Variants in CARD10 observed in about 807,000 individuals in gnomAD.
CARD10 encodes the protein caspase recruitment domain-containing protein 10.
A neutral mutation model predicts 114.6 loss-of-function variants in CARD10; 49 were observed. The observed-to-expected ratio is 0.43, with a 90% CI of 0.34 to 0.54. The LOEUF (loss-of-function observed/expected upper bound fraction) is 0.54, where lower values mean the gene tolerates loss of function less well. CARD10 is among the 20% of genes least tolerant of loss of function. CARD10 has a pLI of 0.03. For missense variants in CARD10, 1,206 were observed against 1,397.2 expected, an observed-to-expected ratio of 0.86 and a Z score of 2.18; for synonymous variants, 602 against 593.2, an observed-to-expected ratio of 1.01 and a Z score of -0.21.
At chr22:37,514,306 T>G (rs1923762294) in intron 3 of CARD10, among the ~76,000 whole-genome samples, 1 of 151,996 alleles carries the variant, frequency 6.6e-6, no homozygotes, top group Non-Finnish European at 1.5e-5. Context: ...GTTTTATAAT[T>G]GTTACATCAT....
chr22:37,510,684 G>A, intron 3 of CARD10: 1 of 481,910 alleles, frequency 2.1e-6, no homozygotes, highest in Non-Finnish European at 3.7e-6. Context: ...GGGCGGACAT[G>A]CTGCATCACG....
chr22:37,508,316 C>A (rs1923485662), intron 5 of CARD10, among the ~76,000 whole-genome samples: 1 of 152,236 alleles, frequency 6.6e-6, no homozygotes, highest in African/African-American at 2.4e-5. Context: ...GTCTCCCCTG[C>A]TGGAGTTCCC....
chr22:37,515,761 C>T (rs76616685), intron 3 of CARD10, among the ~76,000 whole-genome samples: 2,317 of 152,258 alleles, frequency 0.015, 49 homozygotes, highest in African/African-American at 0.047. Context: ...AGAAATATTT[C>T]CTAGACATGG....
At chr22:37,503,278 C>A (rs2145762375) in intron 9 of CARD10, 65 bp from the exon 10 acceptor site, 1 of 1,461,400 alleles carries the variant, frequency 6.8e-7, no homozygotes. Flanking sequence ...GCCCCGCTCC[C>A]TCCTCCTGCC....
rs55875977 is a variant in CARD10, at chr22:37,491,799, G to A, written c.2820C>T (p.Ile940=). The change falls in exon 19 of 20, where the codon ATC becomes ATT. Residue 940 remains isoleucine, a synonymous_variant. Transcript: ENST00000251973. ...TCTCAGTCACCTCCACGTGGATGAC[G>A]ATGGGGTAGATCTCGTTCTGCACCA... ...RELVQNEIYP[I]VIHVEVTEKN... 9.2e-3 allele frequency: 13,508 copies of A among 1,465,622 alleles called. 98 individuals carry two copies. The highest frequency in any genetic ancestry group is 9.5e-3 in the Middle Eastern group (50 of 5,272). 90.8% of individuals were successfully genotyped at this position (1,465,622 alleles called of 1,614,324 possible). A position where few individuals can be genotyped will look rare whatever the true frequency, so the allele number is the denominator to read the frequency against.
intron 19 of CARD10, 97 bp downstream of exon 19, chr22:37,491,658 G>C: frequency 2.3e-6 from 1 of 435,210 alleles, no homozygotes; most frequent in African/African-American, 3.9e-5. Context: ...GGGAGAAAGA[G>C]GGGGAGGGAG....
At chr22:37,512,353 T>G (rs1173635783) in intron 3 of CARD10, 2 of 152,034 alleles carry the variant, frequency 1.3e-5, no homozygotes, top group Non-Finnish European at 2.9e-5. Flanking sequence ...CAATGACTTC[T>G]GGTGCTACAG....
At chr22:37,512,465 C>CCACACACACACACACACACA (rs36080549) in intron 3 of CARD10, among the ~76,000 whole-genome samples, 1 of 113,774 alleles carries the variant, frequency 8.8e-6, no homozygotes, top group African/African-American at 3.1e-5. Flanking sequence ...AGCCCCCCCT[C>CCACACACACACACACACACA]CACACACACA....
intron 11 of CARD10, among the ~76,000 whole-genome samples, chr22:37,499,513 C>G (rs1190505119): frequency 6.6e-6 from 1 of 151,974 alleles, no homozygotes; most frequent in Non-Finnish European, 1.5e-5. Context: ...CCACCCCACC[C>G]ACCTCTACTC....
chr22:37,510,245 C>T lies in CARD10; in HGVS notation c.876G>A (p.Ala292=), dbSNP rs143178552. Residue 292 remains alanine, a synonymous_variant, in exon 4 of 20, where the codon GCG becomes GCA. Transcript: ENST00000251973. ...GGCCCTCCTGCAACTCCCGCAGTGACGCCGTCAGCCGCTGGTTCTCAGCAC... is the reference window on the plus strand; with the variant it reads ...GGCCCTCCTGCAACTCCCGCAGTGATGCCGTCAGCCGCTGGTTCTCAGCAC... The part of the protein sequence containing the change: ...ELRAENQRLT[A]SLRELQEGLQ... 90 of 1,601,996 alleles carry T rather than the reference C, an allele frequency of 5.6e-5. 1 individual carries two copies. The Middle Eastern group carries it at 5.3e-3, about 94-fold the overall frequency.
intron 11 of CARD10, among the ~76,000 whole-genome samples, chr22:37,500,226 A>G (rs1205457859): frequency 6.6e-6 from 1 of 152,178 alleles, no homozygotes; most frequent in Non-Finnish European, 1.5e-5. Flanking sequence ...CTTGCCAAGA[A>G]TGGGCACAGC....
At chr22:37,494,644 A>C in intron 15 of CARD10, 2 of 186,234 alleles carry the variant, frequency 1.1e-5, no homozygotes, top group Non-Finnish European at 2.3e-5. Context: ...TGCCTACAAC[A>C]TGACAGACAC....
rs778732750 is a variant in CARD10, at chr22:37,518,046, G to A, written c.298C>T (p.Leu100=). Residue 100 remains leucine (L), a synonymous_variant, in exon 2 of 20, where the codon CTG becomes TTG. Transcript: ENST00000251973. The stretch of plus-strand genomic sequence containing the variant: ...AAGTGTTCGGGGTAGTAGAACTCCA[G>A]GGCTTCCAGGAAGGCCTCATAGCCC... ...KRGYEAFLEA[L]EFYYPEHFTL... 7 of 1,614,056 alleles carry A rather than the reference G, an allele frequency of 4.3e-6. No individual in the cohort carries two copies. Among genetic ancestry groups the A allele is most frequent in the Middle Eastern group, 1.6e-4 (1 of 6,062 alleles).
At chr22:37,509,109 G>A in intron 4 of CARD10, 1 of 1,520,770 alleles carries the variant, frequency 6.6e-7, no homozygotes, top group East Asian at 2.5e-5. Context: ...TAGACCCTGG[G>A]CCCAAGATCT....
Position 37,496,645 on chromosome 22 carries a change from G to A in CARD10, c.1948-85C>T. ...GGGGCTGGAGGAAGACCAGGTGTGG[G>A]GGTGTTTCATGCCTCACAGTTCAGA... On this transcript the variant is annotated intron_variant, in intron 12 of 19. Coordinates refer to ENST00000251973, the MANE Select transcript of CARD10 (RefSeq NM_014550.4). The surrounding 1 kb of genome is among the most constrained non-coding windows in gnomAD (Gnocchi z 4.1). 2.1e-6 allele frequency: 2 copies of A among 970,692 alleles called. No individual in the cohort carries two copies. The highest frequency in any genetic ancestry group is 3.2e-6 in the Non-Finnish European group (2 of 627,240). 60.1% of individuals were successfully genotyped at this position (970,692 alleles called of 1,614,324 possible).
rs1212373204 is a variant in CARD10, at chr22:37,491,191, T to C, written c.3067A>G (p.Ser1023Gly). 2 of 1,572,598 alleles carry C rather than the reference T, an allele frequency of 1.3e-6. No individual in the cohort carries two copies. The highest frequency in any genetic ancestry group is 1.7e-6 in the Non-Finnish European group (2 of 1,160,976). ...TCACTGCTGCTGGGGCAGCCTCTGC[T>C]GCTGCCGCACTCCACCCACACGAGG... ...ARLVWVECGS[S>G]RGCPSSSEA Residue 1023 changes from serine to glycine, a missense_variant, in exon 20 of 20, where the codon AGC (serine) becomes GGC (glycine). Ser to Gly is a moderately conservative substitution (Grantham distance 56). Coordinates refer to ENST00000251973, the MANE Select transcript of CARD10 (RefSeq NM_014550.4).
At position 37,491,792 on chromosome 22, in the gene CARD10, G is replaced by A. The variant is rs1329963752; in HGVS notation, c.2827C>T (p.His943Tyr). Residue 943 changes from histidine to tyrosine, a missense_variant, in exon 19 of 20, where the codon CAC becomes TAC. By Grantham distance (83) the His-to-Tyr change is moderately conservative. Around this residue, in one of 2 missense-constraint regions of CARD10, gnomAD observed 1,068 missense variants for 1,179.1 expected, o/e 0.91. Transcript: ENST00000251973. ...ACATTCTTCTCAGTCACCTCCACGTGGATGACGATGGGGTAGATCTCGTTC... is the reference window on the plus strand; with the variant it reads ...ACATTCTTCTCAGTCACCTCCACGTAGATGACGATGGGGTAGATCTCGTTC... The part of the protein sequence containing the change: ...VQNEIYPIVI[H>Y]VEVTEKNVRE... 5 of 1,605,804 alleles carry A rather than the reference G, an allele frequency of 3.1e-6. No homozygotes were observed. The highest frequency in any genetic ancestry group is 4.3e-6 in the Non-Finnish European group (5 of 1,176,132).
rs148393546 is a variant in CARD10 at position 37,499,586 on chromosome 22, C to T, written c.1788-2408G>A. Among the ~76,000 whole-genome samples the T allele has an allele frequency of 8.0e-5, 12 of 150,118 alleles. 1 individual carries two copies. The highest frequency in any genetic ancestry group is 2.9e-4 in the African/African-American group (12 of 41,042). On this transcript the variant is annotated intron_variant, in intron 11 of 19. Coordinates refer to ENST00000251973, the MANE Select transcript of CARD10 (RefSeq NM_014550.4). ...CATCAAGGCTGACCTCAGCTTTCAA[C>T]TCAGGTTTTTCAGGCTCTTCTTGAC...
chr22:37,503,110 G>A (rs1161604078), intron 10 of CARD10, 75 bp downstream of exon 10: 21 of 1,474,846 alleles, frequency 1.4e-5, no homozygotes, highest in Admixed American at 1.9e-5. Context: ...CGCAGGTGGT[G>A]CAGGCTTCAG....
Sources: allele counts gnomAD v4.1 joint callset (sites outside exome capture counted in the v4.1 genomes callset), GRCh38; gene constraint gnomAD v4.1.1; regional missense constraint gnomAD v4.1.1; non-coding constraint Gnocchi (gnomAD v3.1); transcripts MANE v1.5; gene names NCBI Gene and HGNC (gene_info 2026-07-23, HGNC 2026-07-21).